NTMT1: variants seen among roughly 807,000 people sequenced by gnomAD.
The protein encoded by NTMT1 is N-terminal RCC1 methyltransferase.
Under a neutral mutation model 17.5 loss-of-function variants are expected in NTMT1, and 8 were observed. That is an observed-to-expected ratio of 0.46 (90% confidence interval 0.27 to 0.82). The LOEUF is 0.82. Among genes scored for constraint, NTMT1 ranks in the 40% least tolerant of loss-of-function variants. The pLI, the probability that NTMT1 is intolerant of heterozygous loss-of-function variation, is 0.15. For synonymous variants in NTMT1, 128 were observed against 126.8 expected, an observed-to-expected ratio of 1.01 and a Z score of -0.06; for missense variants, 221 against 303.5, an observed-to-expected ratio of 0.73 and a Z score of 2.02.
In NTMT1 at chr9:129,632,736, A is replaced by G. The variant is rs200479560; in HGVS notation, c.33A>G (p.Gln11=). The G allele has an allele frequency of 3.8e-5, 62 of 1,614,158 alleles. No individual in the cohort carries two copies. The East Asian group carries it at 8.2e-4, about 21-fold the overall frequency. The part of the protein sequence containing the change: MTSEVIEDEK[Q]FYSKAKTYWK... ...GCGAGGTGATAGAAGACGAGAAGCA[A>G]TTCTATTCCAAGGCCAAGACCTACT... The change falls in exon 2 of 4, where the codon CAA becomes CAG. Residue 11 remains glutamine (Q), a synonymous_variant. Coordinates refer to ENST00000372483, the MANE Select transcript of NTMT1 (RefSeq NM_014064.4).
At chr9:129,616,700 G>A (rs1342521151) in intron 1 of NTMT1, among the ~76,000 whole-genome samples, 2 of 152,142 alleles carry the variant, frequency 1.3e-5, no homozygotes, top group East Asian at 1.9e-4. Flanking sequence ...CATGTAGGAC[G>A]TGGCCTGGCA....
At chr9:129,634,502 C>T (rs1831398683) in intron 3 of NTMT1, 196 bp downstream of exon 3, 1 of 523,850 alleles carries the variant, frequency 1.9e-6, no homozygotes, top group African/African-American at 2.0e-5. Flanking sequence ...AGATTTCTTC[C>T]TTCTAGGTTT....
At chr9:129,629,164 C>T (rs1831025678) in intron 1 of NTMT1, among the ~76,000 whole-genome samples, 1 of 152,026 alleles carries the variant, frequency 6.6e-6, no homozygotes, top group East Asian at 2.0e-4. Context: ...TTTTGAATGC[C>T]GTCCTCTCTT....
rs901194971 is a variant in NTMT1, at chr9:129,635,543, G to A, written c.*79G>A. ...CAGCTGGGCAAGATCCAGGCGCCAC[G>A]CTGGCGGTTCGTGAGTGTCGAGGCA... On this transcript the variant is annotated 3_prime_UTR_variant, in exon 4 of 4. Coordinates refer to ENST00000372483, the MANE Select transcript of NTMT1 (RefSeq NM_014064.4). 8.0e-6 allele frequency: 12 copies of A among 1,508,018 alleles called. No individual in the cohort carries two copies. The highest frequency in any genetic ancestry group is 3.8e-5 in the Admixed American group (2 of 52,364). 93.4% of individuals were successfully genotyped at this position (1,508,018 alleles called of 1,614,324 possible). A position where few individuals can be genotyped will look rare whatever the true frequency, so the allele number is the denominator to read the frequency against.
Position 129,633,988 on chromosome 9 carries a change from C to G in NTMT1, c.163-66C>G. 6.5e-6 allele frequency: 10 copies of G among 1,542,494 alleles called. 1 individual carries two copies. The South Asian group carries it at 1.2e-4, about 19-fold the overall frequency. ...TGACTTGAGTCTAAGTCCTAGGGCT[C>G]GTGAGGAAGGGCCGCACGTGCGGTG... is the stretch of plus-strand genomic sequence containing the variant. On this transcript the variant is annotated intron_variant, in intron 2 of 3. Coordinates refer to ENST00000372483, the MANE Select transcript of NTMT1 (RefSeq NM_014064.4).
Position 129,614,648 on chromosome 9 carries a change from A to G in NTMT1, c.-55+5470A>G, listed in dbSNP as rs184442301. On this transcript the variant is annotated intron_variant, in intron 1 of 3. Coordinates refer to the NTMT1 transcript ENST00000372486. This position sits in a 1 kb window ranked among gnomAD's most constrained non-coding sequence, Gnocchi z 4.4. ...GCCAGGCGCGGTGGCTCATGCCTGT[A>G]ATCCCAGCACTTTGGGAGGCAGAGG... Among the ~76,000 whole-genome samples the G allele has an allele frequency of 2.5e-3, 386 of 152,286 alleles. 4 individuals carry two copies. The highest frequency in any genetic ancestry group is 7.9e-3 in the African/African-American group (328 of 41,574).
Position 129,613,243 on chromosome 9 carries a change from T to C in NTMT1, c.-55+4065T>C. ...CTCAGAAAGGTAGCCCTGTGTCTTC[T>C]GGGTGGACCTGGGGGAGACAGGACC... On this transcript the variant is annotated intron_variant, in intron 1 of 3. Coordinates refer to the NTMT1 transcript ENST00000372486. The surrounding 1 kb of genome is among the most constrained non-coding windows in gnomAD (Gnocchi z 6.2). 3 of 1,606,362 alleles carry C rather than the reference T, an allele frequency of 1.9e-6. No individual in the cohort carries two copies. The South Asian group carries it at 3.3e-5, about 18-fold the overall frequency.
chr9:129,619,343 C>T (rs1294948271), intron 1 of NTMT1, among the ~76,000 whole-genome samples: 1 of 151,904 alleles, frequency 6.6e-6, no homozygotes, highest in Non-Finnish European at 1.5e-5. Context: ...GATGAACTGG[C>T]GAATGAATCT....
Position 129,613,172 on chromosome 9 carries a change from C to T in NTMT1, c.-55+3994C>T. On this transcript the variant is annotated intron_variant, in intron 1 of 3. Coordinates refer to the NTMT1 transcript ENST00000372486. This position sits in a 1 kb window ranked among gnomAD's most constrained non-coding sequence, Gnocchi z 6.2. The stretch of plus-strand genomic sequence containing the variant: ...CTGCTTCGCGGCCTCTGAGCAGCGG[C>T]CTTCTTCCATGAACAGAAGGGCAGG... 2 of 1,613,766 alleles carry T rather than the reference C, an allele frequency of 1.2e-6. No individual in the cohort carries two copies. The highest frequency in any genetic ancestry group is 2.2e-5 in the East Asian group (1 of 44,878).
chr9:129,612,485 T>C lies in NTMT1; in HGVS notation c.-55+3307T>C, dbSNP rs200132455. 42 of 1,569,814 alleles carry C rather than the reference T, an allele frequency of 2.7e-5. No individual in the cohort carries two copies. The East Asian group carries it at 4.1e-4, about 15-fold the overall frequency. The stretch of plus-strand genomic sequence containing the variant: ...GTGAGACAGAGGACCAGCTGGCTGC[T>C]ACCAGGACCTCGGGGCAGGGGACTG... On this transcript the variant is annotated intron_variant, in intron 1 of 3. Coordinates refer to the NTMT1 transcript ENST00000372486.
chr9:129,616,403 A>G (rs1046288155), intron 1 of NTMT1, among the ~76,000 whole-genome samples: 6 of 152,096 alleles, frequency 3.9e-5, no homozygotes, highest in African/African-American at 1.4e-4. Context: ...TTTAGTAGAA[A>G]CGGGGTTTCA....
At chr9:129,615,358 C>A (rs1372147069) in intron 1 of NTMT1, 7 of 1,044,568 alleles carry the variant, frequency 6.7e-6, no homozygotes, top group Admixed American at 3.2e-5. Flanking sequence ...ACATCCTCTG[C>A]AGGATCACTG....
At chr9:129,634,908 T>G in intron 3 of NTMT1, 1 of 401,954 alleles carries the variant, frequency 2.5e-6, no homozygotes, top group South Asian at 2.9e-5. Context: ...ACTCCTCCGA[T>G]CCAAGCCTGG....
intron 1 of NTMT1, chr9:129,615,413 G>A: frequency 6.8e-7 from 1 of 1,461,184 alleles, no homozygotes; most frequent in South Asian, 1.4e-5. Flanking sequence ...TAGGGGCCCG[G>A]AGCTACAGCC....
intron 2 of NTMT1, chr9:129,633,377 A>C: frequency 4.6e-6 from 1 of 219,488 alleles, no homozygotes; most frequent in Non-Finnish European, 8.8e-6. Context: ...CCCTCCCTCC[A>C]TGTTCCCTCT....
chr9:129,612,243 T>C, intron 1 of NTMT1: 1 of 915,526 alleles, frequency 1.1e-6, no homozygotes, highest in Non-Finnish European at 1.7e-6. Context: ...TGACACCTAC[T>C]GGCAGGTCCC....
intron 1 of NTMT1, chr9:129,619,626 A>G: frequency 6.2e-7 from 1 of 1,613,966 alleles, no homozygotes; most frequent in South Asian, 1.1e-5. Flanking sequence ...TGGAGGTGCG[A>G]TGACTGGCCC....
chr9:129,628,799 G>C (rs1831011081), intron 1 of NTMT1: 1 of 152,238 alleles, frequency 6.6e-6, no homozygotes. Context: ...TGGGATGCAA[G>C]AGAAGCATGG....
At chr9:129,625,417 C>G (rs1340543630), upstream of NTMT1, among the ~76,000 whole-genome samples, 1 of 152,066 alleles carries the variant, frequency 6.6e-6, no homozygotes, top group Non-Finnish European at 1.5e-5. Context: ...CCTTTTTACT[C>G]AAAGCCCGCA....
Sources: gnomAD v4.1 joint callset for allele counts (sites outside exome capture counted in the v4.1 genomes callset) on GRCh38, gnomAD v4.1.1 for gene constraint, Gnocchi (gnomAD v3.1) non-coding constraint, MANE v1.5 for transcripts, NCBI Gene and HGNC (gene_info 2026-07-23, HGNC 2026-07-21) for gene names.